REPS1: variants seen among roughly 807,000 people sequenced by gnomAD.
The protein encoded by REPS1 is ralBP1-associated Eps domain-containing protein 1.
REPS1 carries 39 observed loss-of-function variants against 100.9 expected under a neutral mutation model. The ratio of observed to expected loss-of-function variants is 0.39; its 90% CI spans 0.30 to 0.50. The LOEUF is 0.50. REPS1 is among the 20% of genes least tolerant of loss of function. The probability of loss-of-function intolerance (pLI) is 0.86; values close to 1 mark genes in which losing one functional copy is unlikely to be tolerated. For synonymous variants in REPS1, 324 were observed against 340.3 expected (o/e 0.95, Z 0.53); for missense variants, 821 against 968.5 (o/e 0.85, Z 2.02).
chr6:138,947,263 T>A (rs1287920167), intron 2 of REPS1, among the ~76,000 whole-genome samples: 1 of 152,186 alleles, frequency 6.6e-6, no homozygotes, highest in Admixed American at 6.5e-5. Context: ...TGTGGTCAGA[T>A]GTCTATAACT....
intron 10 of REPS1, among the ~76,000 whole-genome samples, chr6:138,921,798 G>A (rs1198090122): frequency 1.3e-5 from 2 of 151,764 alleles, no homozygotes; most frequent in South Asian, 2.1e-4. Flanking sequence ...GGCTGGTCTC[G>A]AACTCCTGAC....
chr6:138,968,305 G>A (rs1433066996), intron 1 of REPS1, among the ~76,000 whole-genome samples: 1 of 152,160 alleles, frequency 6.6e-6, no homozygotes, highest in Non-Finnish European at 1.5e-5. Context: ...TGACAATGAT[G>A]AAAAAGCTAT....
At chr6:138,938,733 A>C (rs1243430371) in intron 8 of REPS1, among the ~76,000 whole-genome samples, 2 of 152,208 alleles carry the variant, frequency 1.3e-5, no homozygotes, top group Non-Finnish European at 2.9e-5. Context: ...ACCTCTGCCT[A>C]TAGTCAGAAA....
At chr6:138,940,484 C>T (rs1020155534) in intron 8 of REPS1, among the ~76,000 whole-genome samples, 6 of 152,010 alleles carry the variant, frequency 3.9e-5, no homozygotes, top group Non-Finnish European at 7.4e-5. Flanking sequence ...TGGTGGCTCA[C>T]GCCTGTAATC....
chr6:138,958,358 G>C (rs1039091463), intron 1 of REPS1, among the ~76,000 whole-genome samples: 1 of 152,142 alleles, frequency 6.6e-6, no homozygotes, highest in African/African-American at 2.4e-5. Flanking sequence ...AAAACCATGA[G>C]CAGAAATTAT....
chr6:138,925,178 T>C (rs1781020576), intron 10 of REPS1, among the ~76,000 whole-genome samples: 1 of 125,680 alleles, frequency 8.0e-6, no homozygotes, highest in African/African-American at 3.0e-5. Context: ...AAACCCCGCC[T>C]CTACTAAAAA....
chr6:138,908,025 A>G (rs1345807854), intron 18 of REPS1, among the ~76,000 whole-genome samples: 1 of 152,168 alleles, frequency 6.6e-6, no homozygotes, highest in Non-Finnish European at 1.5e-5. Flanking sequence ...CTCATGGGCT[A>G]TACAAAAACA....
At chr6:138,909,008 C>A (rs1291289218) in intron 17 of REPS1, 192 bp from the exon 18 acceptor site, 2 of 553,724 alleles carry the variant, frequency 3.6e-6, no homozygotes, top group East Asian at 3.2e-5. Flanking sequence ...CTAGTTGACA[C>A]CACAATCATG....
chr6:138,976,184 AC>A (rs1158020449), intron 1 of REPS1, among the ~76,000 whole-genome samples: 1 of 152,236 alleles, frequency 6.6e-6, no homozygotes, highest in Non-Finnish European at 1.5e-5. Flanking sequence ...CCAAAAAAAA[AC>A]TAGTATACTC....
Position 138,949,110 on chromosome 6 carries a change from C to T in REPS1, c.154-1197G>A, listed in dbSNP as rs150616786. The stretch of plus-strand genomic sequence containing the variant: ...ATCCTCTACTCTTCTGCCCACTTGA[C>T]GCCTCTTAGAGGTTCATTACATATC... On this transcript the variant is annotated intron_variant, in intron 1 of 19. Coordinates refer to ENST00000450536, the MANE Select transcript of REPS1 (RefSeq NM_001286611.2). Among the ~76,000 whole-genome samples the T allele has an allele frequency of 2.7e-3, 413 of 152,280 alleles. 3 individuals are homozygous for T. Among genetic ancestry groups the T allele is most frequent in the South Asian group, 0.014 (69 of 4,826 alleles).
At chr6:138,910,498 C>T (rs866881049) in intron 17 of REPS1, among the ~76,000 whole-genome samples, 15 of 152,116 alleles carry the variant, frequency 9.9e-5, no homozygotes, top group Admixed American at 1.3e-4. Flanking sequence ...GGACTATAGG[C>T]GCATACCACC....
At chr6:138,911,184 G>A in intron 17 of REPS1, 92 bp downstream of exon 17, 1 of 823,286 alleles carries the variant, frequency 1.2e-6, no homozygotes, top group African/African-American at 1.7e-5. Context: ...AGAGAAATGG[G>A]TTAGATGATT....
intron 9 of REPS1, chr6:138,927,805 C>A (rs576798641): frequency 1.5e-4 from 23 of 152,216 alleles, no homozygotes; most frequent in African/African-American, 4.3e-4. Flanking sequence ...TTTTATCATG[C>A]GGCATCACTT....
Position 138,943,495 on chromosome 6 carries a change from A to G in REPS1, c.980+18T>C. The G allele has an allele frequency of 6.6e-7, 1 of 1,511,068 alleles. No individual in the cohort carries two copies. Among genetic ancestry groups the G allele is most frequent in the Non-Finnish European group, 9.2e-7 (1 of 1,092,620 alleles). The allele number at this position is 1,511,068 out of a possible 1,614,324, so 93.6% of individuals were successfully genotyped here. On this transcript the variant is annotated intron_variant, in intron 7 of 19. Coordinates refer to ENST00000450536, the MANE Select transcript of REPS1 (RefSeq NM_001286611.2). The stretch of plus-strand genomic sequence containing the variant: ...TGGAAGCAACCCAGTTACCCAACTA[A>G]TGATATACCACACTTACCAAATATG...
In REPS1 at chr6:138,926,403, G is replaced by A. The variant is rs150686054; in HGVS notation, c.1336C>T (p.Pro446Ser). Residue 446 changes from proline (P) to serine (S), a missense_variant and splice_region_variant, in exon 10 of 20, where the codon CCT becomes TCT. Around this residue, in one of 3 missense-constraint regions of REPS1, gnomAD observed 757 missense variants for 866.4 expected, o/e 0.87. Coordinates refer to ENST00000450536, the MANE Select transcript of REPS1 (RefSeq NM_001286611.2). ...AGCAAGCTAAGTGATTGACTTACAG[G>A]ATCAGCTGGTGCAATGTTAGAATCA... ...QFDSNIAPAD[P>S]DTAIVHPVPI... 1 of 1,606,916 alleles carries A rather than the reference G, an allele frequency of 6.2e-7. No homozygotes were observed. The highest frequency in any genetic ancestry group is 1.3e-5 in the African/African-American group (1 of 74,886).
At chr6:138,972,530 T>G (rs1784394037) in intron 1 of REPS1, among the ~76,000 whole-genome samples, 1 of 152,096 alleles carries the variant, frequency 6.6e-6, no homozygotes, top group Non-Finnish European at 1.5e-5. Flanking sequence ...TTAACTAAAT[T>G]AAATGAGAAA....
Position 138,925,190 on chromosome 6 carries a change from T to TACACACACACACACACACACACAC in REPS1, c.1338+1187_1338+1210dup. ...GTGAAACCCCGCCTCTACTAAAAAA[T>TACACACACACACACACACACACAC]ACACACACACACACACACACACACA... On this transcript the variant is annotated intron_variant, in intron 10 of 19. Coordinates refer to ENST00000450536, the MANE Select transcript of REPS1 (RefSeq NM_001286611.2). Among the ~76,000 whole-genome samples, 2 of 148,090 alleles carry TACACACACACACACACACACACAC rather than the reference T, an allele frequency of 1.4e-5. 1 individual carries two copies.
At chr6:138,972,680 C>T (rs1784401537) in intron 1 of REPS1, among the ~76,000 whole-genome samples, 1 of 101,938 alleles carries the variant, frequency 9.8e-6, no homozygotes, top group African/African-American at 5.3e-5. Flanking sequence ...CCCACAATAC[C>T]ACTAAAAAAA....
At chr6:138,915,642 G>A (rs1780314765) in intron 14 of REPS1, among the ~76,000 whole-genome samples, 1 of 151,734 alleles carries the variant, frequency 6.6e-6, no homozygotes, top group African/African-American at 2.4e-5. Context: ...TAGTAGAGAT[G>A]GGGTTTCACC....
Sources: gnomAD v4.1 joint callset for allele counts (sites outside exome capture counted in the v4.1 genomes callset) on GRCh38, gnomAD v4.1.1 for gene constraint, gnomAD v4.1.1 regional missense constraint, MANE v1.5 for transcripts, NCBI Gene and HGNC (gene_info 2026-07-23, HGNC 2026-07-21) for gene names.